Variants in TUT4 observed in about 807,000 individuals in gnomAD.
The protein encoded by TUT4 is terminal uridylyltransferase 4.
TUT4 carries 36 observed loss-of-function variants against 192.2 expected under a neutral mutation model. The ratio of observed to expected loss-of-function variants is 0.19; its 90% CI spans 0.14 to 0.25. The LOEUF is 0.25. Ranked by LOEUF, TUT4 falls within the 10% of genes least tolerant of loss-of-function variation. TUT4 has a pLI of 1.00. For synonymous variants in TUT4, 618 were observed against 666.0 expected, an observed-to-expected ratio of 0.93 and a Z score of 1.11; for missense variants, 1,493 against 1,957.2, an observed-to-expected ratio of 0.76 and a Z score of 4.47.
At position 52,436,821 on chromosome 1, in the gene TUT4, C is replaced by T. The variant is rs774694566; in HGVS notation, c.4096G>A (p.Ala1366Thr). ...RDLRCFICGD[A>T]GHVRRECPEV... is the part of the protein sequence containing the mutation. The stretch of plus-strand genomic sequence containing the variant: ...GGGCACTCCCTTCGTACATGTCCAG[C>T]ATCTCCACATATAAAACATCTGAGG... The change falls in exon 26 of 30, where the codon GCT becomes ACT. Residue 1366 changes from alanine to threonine, a missense_variant. Coordinates refer to ENST00000257177, the MANE Select transcript of TUT4 (RefSeq NM_001009881.3). The T allele has an allele frequency of 6.8e-6, 11 of 1,613,834 alleles. 1 individual carries two copies. The highest frequency in any genetic ancestry group is 3.3e-5 in the South Asian group (3 of 91,076).
chr1:52,454,620 G>T (rs1337186490), intron 20 of TUT4, among the ~76,000 whole-genome samples: 2 of 151,982 alleles, frequency 1.3e-5, no homozygotes, highest in African/African-American at 4.8e-5. Context: ...ACTCCTGGAA[G>T]AAAACACAAG....
intron 1 of TUT4, among the ~76,000 whole-genome samples, chr1:52,545,048 C>T (rs1687703551): frequency 7.2e-6 from 1 of 138,914 alleles, no homozygotes; most frequent in Non-Finnish European, 1.5e-5. Context: ...CAGAGTGAGA[C>T]CTTGTCCCCA....
chr1:52,504,214 AACT>A (rs1382891714), intron 4 of TUT4, among the ~76,000 whole-genome samples: 1 of 152,132 alleles, frequency 6.6e-6, no homozygotes, highest in African/African-American at 2.4e-5. Flanking sequence ...CATTCTCACT[AACT>A]ACTACTTCAG....
At chr1:52,519,628 G>A (rs1025782544) in intron 2 of TUT4, among the ~76,000 whole-genome samples, 4 of 151,468 alleles carry the variant, frequency 2.6e-5, no homozygotes, top group African/African-American at 9.7e-5. Context: ...TCCTGCCTCA[G>A]CCTCCCAAGA....
chr1:52,483,083 C>T (rs1668909655), intron 9 of TUT4, among the ~76,000 whole-genome samples: 1 of 152,162 alleles, frequency 6.6e-6, no homozygotes, highest in Admixed American at 6.5e-5. Context: ...CCCCTTCAAA[C>T]ACTAGGTATT....
intron 1 of TUT4, among the ~76,000 whole-genome samples, chr1:52,539,476 G>C (rs150634160): frequency 9.5e-4 from 144 of 152,252 alleles, no homozygotes; most frequent in Non-Finnish European, 1.6e-3. Flanking sequence ...GTAAACTATG[G>C]ATATAATTTC....
chr1:52,540,462 C>T (rs1367598358), intron 1 of TUT4, among the ~76,000 whole-genome samples: 1 of 150,408 alleles, frequency 6.6e-6, no homozygotes, highest in East Asian at 1.9e-4. Context: ...TTGCAGTGAC[C>T]TAAGATCGCA....
At chr1:52,461,018 T>C (rs974292158) in intron 19 of TUT4, 116 bp downstream of exon 19, 103 of 793,470 alleles carry the variant, frequency 1.3e-4, no homozygotes, top group Non-Finnish European at 1.8e-4. Context: ...TGAAAGTTTC[T>C]TTTTTAAAAG....
At chr1:52,537,931 T>C (rs1039529056) in intron 1 of TUT4, among the ~76,000 whole-genome samples, 1 of 151,492 alleles carries the variant, frequency 6.6e-6, no homozygotes, top group Admixed American at 6.6e-5. Context: ...AATAAATAAA[T>C]AAACAAACAA....
At chr1:52,524,365 T>C (rs1681127143) in intron 2 of TUT4, among the ~76,000 whole-genome samples, 1 of 151,192 alleles carries the variant, frequency 6.6e-6, no homozygotes. Context: ...CTACTAAAAA[T>C]ACAGAAAATT....
At chr1:52,509,278 A>C (rs1190287807) in intron 4 of TUT4, among the ~76,000 whole-genome samples, 1 of 152,240 alleles carries the variant, frequency 6.6e-6, no homozygotes, top group Non-Finnish European at 1.5e-5. Flanking sequence ...ATCTGAGGGC[A>C]GGAACCACAA....
At chr1:52,443,101 T>C (rs1656183034) in intron 24 of TUT4, among the ~76,000 whole-genome samples, 1 of 150,302 alleles carries the variant, frequency 6.7e-6, no homozygotes, top group South Asian at 2.1e-4. Context: ...CTGACCAACA[T>C]GGCGAAACCC....
intron 24 of TUT4, among the ~76,000 whole-genome samples, chr1:52,444,959 A>G (rs190690051): frequency 9.3e-4 from 140 of 150,274 alleles, no homozygotes; most frequent in African/African-American, 3.3e-3. Context: ...GTGTATATAC[A>G]TGTATATACA....
At position 52,423,862 on chromosome 1, in the gene TUT4, G is replaced by T; in HGVS notation, c.*73C>A. The T allele has an allele frequency of 6.3e-7, 1 of 1,580,746 alleles. No homozygotes were observed. The highest frequency in any genetic ancestry group is 1.2e-5 in the South Asian group (1 of 86,596). ...CTGAATGTAACTGACATTGAGGTAC[G>T]GATACCCTTGAGACAGCAGGATTGG... On this transcript the variant is annotated 3_prime_UTR_variant, in exon 30 of 30. Transcript: ENST00000257177.
intron 2 of TUT4, among the ~76,000 whole-genome samples, chr1:52,523,181 T>C (rs1389061180): frequency 6.6e-6 from 1 of 151,458 alleles, no homozygotes; most frequent in Non-Finnish European, 1.5e-5. Flanking sequence ...TTAGTAGAGA[T>C]GGGATTTCAC....
intron 27 of TUT4, chr1:52,434,630 G>A (rs934961692): frequency 1.3e-5 from 2 of 152,202 alleles, no homozygotes; most frequent in Admixed American, 6.5e-5. Flanking sequence ...CTGAGGTCAG[G>A]AGTTCAAGAC....
At chr1:52,456,169 C>G (rs551904009) in intron 20 of TUT4, among the ~76,000 whole-genome samples, 1 of 151,664 alleles carries the variant, frequency 6.6e-6, no homozygotes, top group Non-Finnish European at 1.5e-5. Flanking sequence ...TTTGGGAGGC[C>G]GGGGCGGGTG....
At position 52,438,428 on chromosome 1, in the gene TUT4, T is replaced by C. The variant is rs1654464394; in HGVS notation, c.3823-93A>G. ...ACCAAGATGCAAACATGGTTTATTT[T>C]TACAAAGAAAATAACAGCAACAAAT... is the stretch of plus-strand genomic sequence containing the variant. On this transcript the variant is annotated intron_variant, in intron 24 of 29. Coordinates refer to ENST00000257177, the MANE Select transcript of TUT4 (RefSeq NM_001009881.3). 1.1e-5 allele frequency: 9 copies of C among 820,798 alleles called. No individual in the cohort carries two copies. The Middle Eastern group carries it at 2.0e-3, about 183-fold the overall frequency. 50.8% of individuals were successfully genotyped at this position (820,798 alleles called of 1,614,324 possible).
Position 52,425,377 on chromosome 1 carries a change from G to T in TUT4, c.4842C>A (p.Phe1614Leu). The change falls in exon 29 of 30, where the codon TTC (phenylalanine) becomes TTA (leucine). Residue 1614 changes from phenylalanine to leucine, a missense_variant. By Grantham distance (22) the Phe-to-Leu change is conservative. Transcript: ENST00000257177. ...QNFMHQGNAR[F>L]QPNKPFYTQD... ...GAGTATAGAAAGGTTTGTTGGGCTG[G>T]AATCGGGCATTTCCCTGATGCATGA... 2 of 1,613,810 alleles carry T rather than the reference G, an allele frequency of 1.2e-6. No individual in the cohort carries two copies. The highest frequency in any genetic ancestry group is 1.7e-6 in the Non-Finnish European group (2 of 1,179,812).
Sources: allele counts gnomAD v4.1 joint callset (sites outside exome capture counted in the v4.1 genomes callset), GRCh38; gene constraint gnomAD v4.1.1; transcripts MANE v1.5; gene names NCBI Gene and HGNC (gene_info 2026-07-23, HGNC 2026-07-21).